The following UBR1 variants were observed in gnomAD, a reference collection of about 807,000 sequenced individuals.
UBR1 encodes the protein ubiquitin protein ligase E3 component n-recognin 1, also known as E3 ubiquitin-protein ligase UBR1.
In UBR1, 102 loss-of-function variants were observed where a neutral mutation model predicts 242.1. The observed-to-expected ratio is 0.42, with a 90% confidence interval of 0.36 to 0.50. UBR1 has a LOEUF of 0.50. Among genes scored for constraint, UBR1 ranks in the 20% least tolerant of loss-of-function variants. The pLI is 0.01. For synonymous variants in UBR1, 675 were observed against 684.8 expected, an observed-to-expected ratio of 0.99 and a Z score of 0.22; for missense variants, 1,772 against 2,101.8, an observed-to-expected ratio of 0.84 and a Z score of 3.07.
At position 43,068,032 on chromosome 15, in the gene UBR1, T is replaced by C. The variant is rs1322561177; in HGVS notation, c.664A>G (p.Lys222Glu). ...AGGACACAATAGTATCTTTCATTTTTCTCCCTGTTAGAAAAAAAACATATA... is the reference window on the plus strand; with the variant it reads ...AGGACACAATAGTATCTTTCATTTTCCTCCCTGTTAGAAAAAAAACATATA... ...ELPPELQIRE[K>E]NERYYCVLFN... The change falls in exon 6 of 47, where the codon AAA becomes GAA. Residue 222 changes from lysine to glutamate, a missense_variant. Coordinates refer to ENST00000290650, the MANE Select transcript of UBR1 (RefSeq NM_174916.3). The C allele has an allele frequency of 1.2e-6, 2 of 1,604,728 alleles. No individual in the cohort carries two copies. The highest frequency in any genetic ancestry group is 1.7e-5 in the Admixed American group (1 of 59,598).
intron 40 of UBR1, 95 bp from the exon 41 acceptor site, chr15:42,966,381 T>C: frequency 1.3e-6 from 2 of 1,491,024 alleles, no homozygotes; most frequent in Non-Finnish European, 1.8e-6. Context: ...AAGTTAAACA[T>C]TTAGGTAATT....
intron 15 of UBR1, among the ~76,000 whole-genome samples, chr15:43,039,158 T>C (rs1567133812): frequency 6.6e-6 from 1 of 152,052 alleles, no homozygotes; most frequent in Non-Finnish European, 1.5e-5. Flanking sequence ...TCACATGACA[T>C]CAATTATGCC....
At chr15:43,037,478 T>C (rs892676100) in intron 17 of UBR1, among the ~76,000 whole-genome samples, 33 of 152,064 alleles carry the variant, frequency 2.2e-4, no homozygotes, top group African/African-American at 8.0e-4. Flanking sequence ...TAAAGGCCTC[T>C]AAGTAAGGTA....
At chr15:43,068,307 G>C (rs1162720214) in intron 5 of UBR1, among the ~76,000 whole-genome samples, 4 of 147,726 alleles carry the variant, frequency 2.7e-5, no homozygotes, top group Non-Finnish European at 5.9e-5. Flanking sequence ...TCCCACCTCA[G>C]CCTCCTAAGT....
chr15:42,992,667 G>GGAC (rs1217518788), intron 33 of UBR1, among the ~76,000 whole-genome samples: 1 of 152,146 alleles, frequency 6.6e-6, no homozygotes, highest in East Asian at 1.9e-4. Flanking sequence ...GGACTTGTGT[G>GGAC]GACCTCAAAA....
At chr15:43,009,480 G>A (rs1037342906) in intron 29 of UBR1, among the ~76,000 whole-genome samples, 3 of 152,228 alleles carry the variant, frequency 2.0e-5, no homozygotes, top group Non-Finnish European at 2.9e-5. Context: ...ATCCAGGCTG[G>A]TAGTGTCAGT....
At chr15:43,052,082 A>G (rs1369470916) in intron 12 of UBR1, among the ~76,000 whole-genome samples, 1 of 152,240 alleles carries the variant, frequency 6.6e-6, no homozygotes, top group Non-Finnish European at 1.5e-5. Flanking sequence ...ATTTTTTAGA[A>G]TAAGAGAGGT....
Position 43,043,392 on chromosome 15 carries a change from C to T in UBR1, c.1672G>A (p.Glu558Lys). The change falls in exon 15 of 47, where the codon GAA (glutamate) becomes AAA (lysine). Residue 558 changes from glutamate to lysine, a missense_variant. Physicochemically the swap from Glu to Lys is moderately conservative, Grantham distance 56. This residue lies in a region of UBR1 where 734 missense variants were observed against 893.3 expected (regional missense o/e 0.82). Coordinates refer to ENST00000290650, the MANE Select transcript of UBR1 (RefSeq NM_174916.3). ...TCTTTATAAGCCACAAGTAAGAGTT[C>T]TTCCTAAGAGGAAAATAAGATACAA... ...MFQEWCACDE[E>K]LLLVAYKECH... The T allele has an allele frequency of 6.2e-7, 1 of 1,613,948 alleles. No individual in the cohort carries two copies.
At chr15:42,976,401 C>T (rs2032288184) in intron 39 of UBR1, among the ~76,000 whole-genome samples, 1 of 152,114 alleles carries the variant, frequency 6.6e-6, no homozygotes, top group African/African-American at 2.4e-5. Flanking sequence ...ACCTCCTTAT[C>T]AAAAGGTTGA....
intron 29 of UBR1, 133 bp from the exon 30 acceptor site, chr15:43,007,417 T>A: frequency 1.2e-6 from 1 of 863,778 alleles, no homozygotes. Context: ...TTAGCAATAT[T>A]AAGTTAAAAG....
chr15:43,003,552 G>A (rs139382852), intron 31 of UBR1, among the ~76,000 whole-genome samples: 84 of 152,286 alleles, frequency 5.5e-4, no homozygotes, highest in East Asian at 9.6e-4. Flanking sequence ...CACCACGCCC[G>A]GCCAATTATT....
rs772020910 is a variant in UBR1, at chr15:42,964,177, C to T, written c.4592-134G>A. ...GGGTATATTGCTTATTCTATAAAAC[C>T]ATGGGTGGCAGTCCGGGCACGGTGG... On this transcript the variant is annotated intron_variant, in intron 41 of 46. Coordinates refer to ENST00000290650, the MANE Select transcript of UBR1 (RefSeq NM_174916.3). 9.8e-6 allele frequency: 7 copies of T among 713,908 alleles called. No homozygotes were observed. In the South Asian group the frequency reaches 1.1e-4, roughly 11 times the overall value. The allele number at this position is 713,908 out of a possible 1,614,324, so 44.2% of individuals were successfully genotyped here. A position where few individuals can be genotyped will look rare whatever the true frequency, so the allele number is the denominator to read the frequency against.
chr15:43,012,321 A>G (rs2032935676), intron 29 of UBR1, among the ~76,000 whole-genome samples: 1 of 152,206 alleles, frequency 6.6e-6, no homozygotes, highest in Admixed American at 6.5e-5. Context: ...GACAAAATGT[A>G]TGGTTAAAAA....
Position 43,056,377 on chromosome 15 carries a change from T to C in UBR1, c.1248A>G (p.Ala416=). ...DDHDRSISIT[A]LSVQMFTVPT... ...GAACAGTAAACATCTGAACTGAAAG[T>C]GCAGTTATAGAGATACTTCTGTCAT... The change falls in exon 11 of 47, where the codon GCA becomes GCG. Residue 416 remains alanine (A), a synonymous_variant. Transcript: ENST00000290650. 5 of 1,612,850 alleles carry C rather than the reference T, an allele frequency of 3.1e-6. No homozygotes were observed. In the South Asian group the frequency reaches 4.4e-5, roughly 14 times the overall value.
chr15:43,020,449 C>A (rs564959418), intron 27 of UBR1, among the ~76,000 whole-genome samples: 1 of 152,346 alleles, frequency 6.6e-6, no homozygotes, highest in Non-Finnish European at 1.5e-5. Context: ...CAGATTCTTA[C>A]TATCTGCATC....
At chr15:42,981,956 C>T (rs1324876733) in intron 37 of UBR1, among the ~76,000 whole-genome samples, 2 of 152,200 alleles carry the variant, frequency 1.3e-5, no homozygotes, top group Non-Finnish European at 2.9e-5. Context: ...TAAAGCTACA[C>T]TACATAAATT....
intron 20 of UBR1, among the ~76,000 whole-genome samples, chr15:43,031,865 T>C (rs1042108953): frequency 6.6e-6 from 1 of 151,964 alleles, no homozygotes; most frequent in African/African-American, 2.4e-5. Flanking sequence ...TATTAAAAAA[T>C]ATATACATAT....
intron 5 of UBR1, among the ~76,000 whole-genome samples, chr15:43,070,109 T>A (rs2033806431): frequency 6.6e-6 from 1 of 152,062 alleles, no homozygotes; most frequent in Non-Finnish European, 1.5e-5. Flanking sequence ...ATCCTAATAT[T>A]ACATAGGTAG....
rs139296068 is a variant in UBR1, at chr15:42,970,560, C to T, written c.4417G>A (p.Ala1473Thr). 38 of 1,613,512 alleles carry T rather than the reference C, an allele frequency of 2.4e-5. No individual in the cohort carries two copies. The highest frequency in any genetic ancestry group is 1.7e-4 in the African/African-American group (13 of 74,890). ...VQEDSEEAHS[A>T]SSFFAEISQY... Reference sequence around the variant, plus strand: ...GAAATTTCTGCAAAGAAAGAAGATGCGGAATGAGCCTCTTCACTGTCTTCT... The same window carrying T: ...GAAATTTCTGCAAAGAAAGAAGATGTGGAATGAGCCTCTTCACTGTCTTCT... Residue 1473 changes from alanine (A) to threonine (T), a missense_variant, in exon 40 of 47, where the codon GCA becomes ACA. Ala to Thr is a moderately conservative substitution (Grantham distance 58). Transcript: ENST00000290650.
Sources: gnomAD v4.1 joint callset for allele counts (sites outside exome capture counted in the v4.1 genomes callset) on GRCh38, gnomAD v4.1.1 for gene constraint, gnomAD v4.1.1 regional missense constraint, MANE v1.5 for transcripts, NCBI Gene and HGNC (gene_info 2026-07-23, HGNC 2026-07-21) for gene names.